The following VCL variants were observed in gnomAD, a reference collection of about 807,000 sequenced individuals.
VCL encodes the protein epididymis luminal protein 114.
In VCL, 47 loss-of-function variants were observed where a neutral mutation model predicts 125.7. The ratio of observed to expected loss-of-function variants is 0.37; its 90% CI spans 0.30 to 0.48. The LOEUF is 0.48. Ranked by LOEUF, VCL falls within the 20% of genes least tolerant of loss-of-function variation. The pLI, the probability that VCL is intolerant of heterozygous loss-of-function variation, is 0.99. For synonymous variants in VCL, 458 were observed against 514.6 expected (o/e 0.89, Z 1.49); for missense variants, 1,069 against 1,455.5 (o/e 0.73, Z 4.32).
chr10:74,078,563 A>G (rs1839630659), intron 6 of VCL, among the ~76,000 whole-genome samples: 1 of 152,202 alleles, frequency 6.6e-6, no homozygotes, highest in African/African-American at 2.4e-5. Context: ...CCTGCTCCCC[A>G]TGAGGAGAAA....
chr10:74,103,173 C>T (rs918033086), intron 14 of VCL, among the ~76,000 whole-genome samples: 1 of 152,172 alleles, frequency 6.6e-6, no homozygotes, highest in African/African-American at 2.4e-5. Flanking sequence ...CGGCCGACTC[C>T]TCTGTGCTCT....
Position 74,041,727 on chromosome 10 carries a change from A to T in VCL, c.169-1356A>T, listed in dbSNP as rs939433709. Among the ~76,000 whole-genome samples the T allele has an allele frequency of 2.8e-5, 4 of 142,802 alleles. No individual in the cohort carries two copies. In the Admixed American group the frequency reaches 3.0e-4, roughly 11 times the overall value. The allele number at this position is 142,802 out of a possible 152,430, so 93.7% of individuals were successfully genotyped here. The stretch of plus-strand genomic sequence containing the variant: ...GCCAACATGGTGAAACCCCATCTCT[A>T]CTAAAAATCCAAAAAAAAAAAAAAG... On this transcript the variant is annotated intron_variant, in intron 1 of 21. Coordinates refer to ENST00000211998, the MANE Select transcript of VCL (RefSeq NM_014000.3).
intron 1 of VCL, among the ~76,000 whole-genome samples, chr10:74,019,070 A>G (rs1422061348): frequency 6.6e-6 from 1 of 152,118 alleles, no homozygotes; most frequent in African/African-American, 2.4e-5. Flanking sequence ...ATTAAACTAG[A>G]CCCTTATGGA....
intron 10 of VCL, among the ~76,000 whole-genome samples, chr10:74,092,313 T>C (rs1187609058): frequency 6.6e-6 from 1 of 152,204 alleles, no homozygotes; most frequent in Non-Finnish European, 1.5e-5. Context: ...TTTGTATTTT[T>C]ATAATGGTTA....
rs762497815 is a variant in VCL at position 74,071,008 on chromosome 10, T to C, written c.424T>C (p.Leu142=). The change falls in exon 4 of 22, where the codon TTG becomes CTG. Residue 142 remains leucine (L), a synonymous_variant. Transcript: ENST00000211998. This position sits in a 1 kb window ranked among gnomAD's most constrained non-coding sequence, Gnocchi z 4.1. Reference sequence around the variant, plus strand: ...AATTATTAGAGTTTGCAAAGGAATTTTGGAATATCTTACAGTGGCAGAGGT... The same window carrying C: ...AATTATTAGAGTTTGCAAAGGAATTCTGGAATATCTTACAGTGGCAGAGGT... The part of the protein sequence containing the change: ...RKIIRVCKGI[L]EYLTVAEVVE... 13 of 1,614,088 alleles carry C rather than the reference T, an allele frequency of 8.1e-6. No homozygotes were observed. The highest frequency in any genetic ancestry group is 1.6e-4 in the Middle Eastern group (1 of 6,084).
At chr10:74,010,946 G>A (rs988209070) in intron 1 of VCL, among the ~76,000 whole-genome samples, 11 of 151,818 alleles carry the variant, frequency 7.2e-5, no homozygotes, top group African/African-American at 2.7e-4. Flanking sequence ...GAGGCAGGTG[G>A]ATCACCTGAG....
Position 74,089,288 on chromosome 10 carries a change from G to A in VCL, c.1115G>A (p.Arg372His), listed in dbSNP as rs377289804. 12 of 1,613,972 alleles carry A rather than the reference G, an allele frequency of 7.4e-6. No individual in the cohort carries two copies. The highest frequency in any genetic ancestry group is 1.3e-5 in the African/African-American group (1 of 74,898). ...ACAGCAAAAGTGGAAAATGCAGCTC[G>A]CAAGCTGGAAGCCATGACCAACTCA... ...VLTAKVENAA[R>H]KLEAMTNSKQ... The change falls in exon 9 of 22, where the codon CGC (arginine) becomes CAC (histidine). Residue 372 changes from arginine to histidine, a missense_variant. This residue lies in a region of VCL where 760 missense variants were observed against 928.9 expected (regional missense o/e 0.82). Coordinates refer to ENST00000211998, the MANE Select transcript of VCL (RefSeq NM_014000.3).
intron 2 of VCL, among the ~76,000 whole-genome samples, chr10:74,050,795 G>T (rs1301138419): frequency 2.0e-5 from 3 of 152,072 alleles, no homozygotes; most frequent in Non-Finnish European, 2.9e-5. Context: ...GTCTCTTAAT[G>T]TGGATGCCCA....
chr10:74,112,239 C>T, intron 19 of VCL, 127 bp downstream of exon 19: 8 of 1,209,358 alleles, frequency 6.6e-6, no homozygotes, highest in Non-Finnish European at 9.5e-6. Context: ...ATCTGTCTGT[C>T]TGCACCATGT....
chr10:74,107,224 G>A lies in VCL; in HGVS notation c.2435-6G>A, dbSNP rs750117132. The A allele has an allele frequency of 6.2e-7, 1 of 1,614,100 alleles. No individual in the cohort carries two copies. The highest frequency in any genetic ancestry group is 8.5e-7 in the Non-Finnish European group (1 of 1,180,048). ...CCAGCTGAAAGTGAGGATGTCTTGT[G>A]TTTAGGACTGCAAAAGAGCTTCCTG... On this transcript the variant is annotated splice_region_variant and splice_polypyrimidine_tract_variant and intron_variant, in intron 16 of 21. Transcript: ENST00000211998.
chr10:74,109,334 C>A (rs1840184974), intron 18 of VCL, among the ~76,000 whole-genome samples, 178 bp downstream of exon 18: 1 of 152,140 alleles, frequency 6.6e-6, no homozygotes, highest in African/African-American at 2.4e-5. Context: ...TTTCTGACAC[C>A]TGATGGTTTC....
At chr10:74,041,342 A>G (rs939358862) in intron 1 of VCL, among the ~76,000 whole-genome samples, 4 of 152,164 alleles carry the variant, frequency 2.6e-5, no homozygotes, top group African/African-American at 9.7e-5. Flanking sequence ...TTCACCATTT[A>G]CTATATTAAA....
At chr10:74,011,561 G>A (rs570555459) in intron 1 of VCL, among the ~76,000 whole-genome samples, 1 of 152,182 alleles carries the variant, frequency 6.6e-6, no homozygotes, top group African/African-American at 2.4e-5. Flanking sequence ...AGTGTGTTAT[G>A]TTCTGATATT....
At chr10:74,014,780 C>T (rs773237898) in intron 1 of VCL, among the ~76,000 whole-genome samples, 1 of 152,150 alleles carries the variant, frequency 6.6e-6, no homozygotes, top group Non-Finnish European at 1.5e-5. Context: ...CTGCAACCTC[C>T]ACCTCCCAGG....
intron 1 of VCL, among the ~76,000 whole-genome samples, chr10:74,010,666 A>G (rs1431103933): frequency 2.0e-5 from 3 of 152,040 alleles, no homozygotes; most frequent in Non-Finnish European, 4.4e-5. Flanking sequence ...AAAACAAACA[A>G]AAACAAAACC....
At chr10:74,066,063 T>TATA (rs1297685805) in intron 2 of VCL, among the ~76,000 whole-genome samples, 30 of 95,650 alleles carry the variant, frequency 3.1e-4, no homozygotes, top group African/African-American at 8.5e-4. Context: ...ATATATATAT[T>TATA]TTTTTTTTTT....
intron 1 of VCL, among the ~76,000 whole-genome samples, chr10:74,028,697 A>G (rs1840819312): frequency 6.7e-6 from 1 of 149,944 alleles, no homozygotes; most frequent in Non-Finnish European, 1.5e-5. Context: ...GCGCCTGGCA[A>G]GTAATCTTTT....
chr10:74,024,377 A>G (rs1258455147), intron 1 of VCL, among the ~76,000 whole-genome samples: 2 of 152,132 alleles, frequency 1.3e-5, no homozygotes, highest in African/African-American at 2.4e-5. Flanking sequence ...TTGGGAGGCC[A>G]AGGTGGGAGG....
rs1338907017 is a variant in VCL at position 74,118,368 on chromosome 10, T to G, written c.*199T>G. The G allele has an allele frequency of 1.5e-6, 1 of 685,484 alleles. No homozygotes were observed. The highest frequency in any genetic ancestry group is 2.5e-6 in the Non-Finnish European group (1 of 399,578). 42.5% of individuals were successfully genotyped at this position (685,484 alleles called of 1,614,324 possible). A position where few individuals can be genotyped will look rare whatever the true frequency, so the allele number is the denominator to read the frequency against. On this transcript the variant is annotated 3_prime_UTR_variant, in exon 22 of 22. Coordinates refer to ENST00000211998, the MANE Select transcript of VCL (RefSeq NM_014000.3). ...GGACACTTTGAAATGTGTTTCTGTA[T>G]AAAGCCTGTATTCTCAAACACAGTT...
Sources: gnomAD v4.1 joint callset for allele counts (sites outside exome capture counted in the v4.1 genomes callset) on GRCh38, gnomAD v4.1.1 for gene constraint, gnomAD v4.1.1 regional missense constraint, Gnocchi (gnomAD v3.1) non-coding constraint, MANE v1.5 for transcripts, NCBI Gene and HGNC (gene_info 2026-07-23, HGNC 2026-07-21) for gene names.